The following LRTM3 variants were observed in gnomAD, a reference collection of about 807,000 sequenced individuals.
LRTM3 encodes the protein leucine rich repeat transmembrane protein 3.
the LRTM3 span, among the ~76,000 whole-genome samples, chr13:102,757,069 C>T: frequency 1.3e-5 from 2 of 152,188 alleles, no homozygotes; most frequent in African/African-American, 2.4e-5. Context: ...CCATGCACAC[C>T]TAAGCCCTCT....
At chr13:102,734,519 G>A in the LRTM3 span, 1 of 1,551,302 alleles carries the variant, frequency 6.4e-7, no homozygotes, top group Non-Finnish European at 8.7e-7. Context: ...GAGCATACAG[G>A]AACGAGGTGA....
chr13:102,737,282 A>C, the LRTM3 span: 20 of 1,551,148 alleles, frequency 1.3e-5, no homozygotes, highest in Non-Finnish European at 1.7e-5. Context: ...CCCTGCATCA[A>C]ATGATTTCTG....
the LRTM3 span, among the ~76,000 whole-genome samples, chr13:102,755,227 AC>A: frequency 1.7e-5 from 2 of 118,788 alleles, no homozygotes; most frequent in Non-Finnish European, 3.5e-5. Flanking sequence ...CCCCCCAGCT[AC>A]CCCCTTTCTC....
chr13:102,736,208 A>C, the LRTM3 span: 1 of 1,548,640 alleles, frequency 6.5e-7, no homozygotes. Flanking sequence ...AGAAGGCATG[A>C]ATGGATGAGT....
chr13:102,743,864 T>A, the LRTM3 span: 1 of 1,550,556 alleles, frequency 6.4e-7, no homozygotes, highest in Non-Finnish European at 8.7e-7. Flanking sequence ...GTTCCTCTGG[T>A]TTTTAGAGTC....
chr13:102,734,788 G>C, the LRTM3 span: 2 of 1,550,970 alleles, frequency 1.3e-6, no homozygotes, highest in Non-Finnish European at 1.7e-6. Flanking sequence ...AAGTAGATTT[G>C]GTCAGAACCA....
the LRTM3 span, chr13:102,734,279 GT>G: frequency 1.9e-6 from 3 of 1,551,340 alleles, no homozygotes; most frequent in Middle Eastern, 1.7e-4. Flanking sequence ...TGCATCTGCT[GT>G]TTTCTCTGTA....
the LRTM3 span, chr13:102,739,478 G>C: frequency 6.4e-7 from 1 of 1,550,488 alleles, no homozygotes; most frequent in Non-Finnish European, 8.7e-7. Context: ...ACCTGCTTTT[G>C]TTCTTGAATT....
At chr13:102,736,980 G>C in the LRTM3 span, 3 of 1,551,010 alleles carry the variant, frequency 1.9e-6, no homozygotes, top group Non-Finnish European at 2.6e-6. Flanking sequence ...CAGTGAGATA[G>C]AGAAGGTATT....
chr13:102,743,993 G>A, the LRTM3 span: 6 of 1,550,102 alleles, frequency 3.9e-6, no homozygotes, highest in African/African-American at 6.9e-5. Context: ...TGTTCTGTTA[G>A]ATAGAATGCA....
the LRTM3 span, chr13:102,733,824 G>C: frequency 2.6e-6 from 4 of 1,551,314 alleles, no homozygotes; most frequent in African/African-American, 4.1e-5. Context: ...GAGGTCAACT[G>C]TTGCTCTGCC....
the LRTM3 span, among the ~76,000 whole-genome samples, chr13:102,753,326 G>A: frequency 3.2e-3 from 482 of 152,184 alleles, 7 homozygotes; most frequent in African/African-American, 0.011. Context: ...TGTCAGGGAG[G>A]TGAGGGGCAC....
chr13:102,746,920 A>T, the LRTM3 span: 2 of 1,551,044 alleles, frequency 1.3e-6, no homozygotes, highest in Admixed American at 2.0e-5. Flanking sequence ...CATTCTCAGC[A>T]TGAGATAGTT....
chr13:102,741,411 G>C, the LRTM3 span: 2 of 1,550,232 alleles, frequency 1.3e-6, no homozygotes, highest in South Asian at 2.4e-5. Context: ...GGCACTTTGT[G>C]CTGTACCTCT....
At chr13:102,740,346 T>C in the LRTM3 span, 45 of 1,550,258 alleles carry the variant, frequency 2.9e-5, no homozygotes, top group Non-Finnish European at 1.7e-5. Flanking sequence ...TTCTTAGTTA[T>C]AGTGCTTAGC....
the LRTM3 span, among the ~76,000 whole-genome samples, chr13:102,752,806 G>T: frequency 6.6e-6 from 1 of 152,108 alleles, no homozygotes; most frequent in Non-Finnish European, 1.5e-5. Context: ...GTTAAATGAG[G>T]TCATATGGGT....
chr13:102,743,717 T>C, the LRTM3 span: 6 of 1,549,592 alleles, frequency 3.9e-6, no homozygotes, highest in African/African-American at 1.4e-5. Context: ...AGTTTTTAAA[T>C]AGGATTTACA....
At chr13:102,736,900 T>C in the LRTM3 span, 6 of 1,551,002 alleles carry the variant, frequency 3.9e-6, no homozygotes, top group Admixed American at 5.9e-5. Flanking sequence ...CCATGTGCCA[T>C]GAGGGTGGAA....
chr13:102,753,152 T>C, the LRTM3 span, among the ~76,000 whole-genome samples: 3 of 152,108 alleles, frequency 2.0e-5, no homozygotes, highest in Non-Finnish European at 4.4e-5. Context: ...TAAAAAAGAA[T>C]GAGTTAATGC....
Sources: allele counts gnomAD v4.1 joint callset (sites outside exome capture counted in the v4.1 genomes callset), GRCh38; gene constraint gnomAD v4.1.1; transcripts MANE v1.5; gene names NCBI Gene and HGNC (gene_info 2026-07-23, HGNC 2026-07-21).